The following SFMBT2 variants were observed in gnomAD, a reference collection of about 807,000 sequenced individuals.
SFMBT2 encodes the protein Scm like with four mbt domains 2.
In SFMBT2, 38 loss-of-function variants were observed where a neutral mutation model predicts 110.1. That is an observed-to-expected ratio of 0.35 (90% CI 0.27 to 0.45). The LOEUF (loss-of-function observed/expected upper bound fraction) is 0.45. SFMBT2 is among the 20% of genes least tolerant of loss of function. SFMBT2 has a pLI of 1.00. For synonymous variants in SFMBT2, 425 were observed against 425.4 expected (o/e 1.00, Z 0.01); for missense variants, 1,011 against 1,094.9 (o/e 0.92, Z 1.08).
intron 4 of SFMBT2, among the ~76,000 whole-genome samples, chr10:7,315,056 GAA>G (rs1438500303): frequency 7.5e-6 from 1 of 132,470 alleles, no homozygotes; most frequent in African/African-American, 2.8e-5. Flanking sequence ...AAGAAAGAAA[GAA>G]AGAAAGAAAG....
At chr10:7,247,193 T>G (rs1013355807) in intron 8 of SFMBT2, among the ~76,000 whole-genome samples, 5 of 152,328 alleles carry the variant, frequency 3.3e-5, no homozygotes, top group African/African-American at 1.2e-4. Flanking sequence ...CTCAGCTCAC[T>G]ACAACCTCTG....
chr10:7,228,555 G>A (rs1839970196), intron 9 of SFMBT2: 1 of 162,930 alleles, frequency 6.1e-6, no homozygotes, highest in South Asian at 2.0e-4. Context: ...GAGAATTGCA[G>A]GAGGCAGGTC....
chr10:7,228,671 GCTT>G (rs1360425054), intron 9 of SFMBT2, among the ~76,000 whole-genome samples: 22 of 139,162 alleles, frequency 1.6e-4, no homozygotes, highest in African/African-American at 5.7e-4. Context: ...TACTAAAGTG[GCTT>G]CTTTCTTTCT....
At chr10:7,236,694 A>AAG (rs143662867) in intron 9 of SFMBT2, among the ~76,000 whole-genome samples, 140,857 of 152,210 alleles carry the variant, frequency 0.93, 65,216 homozygotes, top group Non-Finnish European at 0.93. Flanking sequence ...GTAAAACTGC[A>AAG]AGTTTTAAAG....
At chr10:7,377,168 C>CAAA (rs58212127) in intron 2 of SFMBT2, among the ~76,000 whole-genome samples, 1 of 83,824 alleles carries the variant, frequency 1.2e-5, no homozygotes, top group Non-Finnish European at 2.3e-5. Flanking sequence ...GACTCCATCT[C>CAAA]AAAAAAAAAA....
Position 7,408,188 on chromosome 10 carries a change from G to C in SFMBT2, c.-52+2673C>G, listed in dbSNP as rs1190013135. Among the ~76,000 whole-genome samples, 3 of 152,254 alleles carry C rather than the reference G, an allele frequency of 2.0e-5. No homozygotes were observed. The highest frequency in any genetic ancestry group is 1.3e-4 in the Admixed American group (2 of 15,290). ...AGCTTCGCAGCACAGAGCCATTTTA[G>C]GCTGCTCCCCACCTCGCGGGGCCCA... is the stretch of plus-strand genomic sequence containing the variant. On this transcript the variant is annotated intron_variant, in intron 1 of 20. Coordinates refer to ENST00000397167, the MANE Select transcript of SFMBT2 (RefSeq NM_001387889.1). The surrounding 1 kb of genome is among the most constrained non-coding windows in gnomAD (Gnocchi z 5.7).
intron 2 of SFMBT2, among the ~76,000 whole-genome samples, chr10:7,375,862 C>T (rs550776839): frequency 7.3e-5 from 11 of 150,848 alleles, no homozygotes; most frequent in African/African-American, 2.7e-4. Context: ...AAAGGGAATA[C>T]CATTGAGTCA....
intron 7 of SFMBT2, chr10:7,249,586 C>T (rs1053830979): frequency 1.2e-4 from 119 of 982,166 alleles, no homozygotes; most frequent in African/African-American, 1.6e-4. Flanking sequence ...GGACCTGTTA[C>T]TTTCTTTTAC....
chr10:7,288,065 T>C (rs998120300), intron 4 of SFMBT2, among the ~76,000 whole-genome samples: 2 of 152,228 alleles, frequency 1.3e-5, no homozygotes, highest in African/African-American at 2.4e-5. Context: ...ATCTTTTTAA[T>C]CTGCTGGTTA....
At chr10:7,240,644 TCCA>T (rs1323922658) in intron 9 of SFMBT2, among the ~76,000 whole-genome samples, 1 of 152,128 alleles carries the variant, frequency 6.6e-6, no homozygotes, top group African/African-American at 2.4e-5. Context: ...TCTTTATTCC[TCCA>T]CCGTCTCACC....
chr10:7,227,733 T>C (rs1019048628), intron 10 of SFMBT2, 122 bp downstream of exon 10: 1 of 775,936 alleles, frequency 1.3e-6, no homozygotes. Flanking sequence ...TACAGACATT[T>C]TGTAGTTCTC....
chr10:7,212,437 G>A (rs1055590647), intron 11 of SFMBT2, among the ~76,000 whole-genome samples: 1 of 152,236 alleles, frequency 6.6e-6, no homozygotes, highest in African/African-American at 2.4e-5. Flanking sequence ...GAGGAACAGA[G>A]CCCTGTGGGA....
intron 7 of SFMBT2, among the ~76,000 whole-genome samples, chr10:7,268,384 A>G (rs532638663): frequency 6.6e-6 from 1 of 152,364 alleles, no homozygotes; most frequent in Admixed American, 6.5e-5. Context: ...AGACAAAAAT[A>G]AAAAGCTTTT....
intron 1 of SFMBT2, among the ~76,000 whole-genome samples, chr10:7,391,464 T>G (rs11592030): frequency 8.0e-6 from 1 of 124,322 alleles, no homozygotes; most frequent in African/African-American, 3.7e-5. Flanking sequence ...AGACTCTGTC[T>G]CAAAAAAAAA....
intron 4 of SFMBT2, among the ~76,000 whole-genome samples, chr10:7,289,096 T>G (rs1842190307): frequency 6.6e-6 from 1 of 152,126 alleles, no homozygotes; most frequent in South Asian, 2.1e-4. Context: ...CCAAAGCTTT[T>G]GCAAACAGAT....
At chr10:7,316,530 C>T (rs1467770678) in intron 4 of SFMBT2, among the ~76,000 whole-genome samples, 7 of 152,276 alleles carry the variant, frequency 4.6e-5, no homozygotes, top group East Asian at 1.9e-4. Flanking sequence ...AGGCCAGCCA[C>T]GGGGTCCCCA....
intron 1 of SFMBT2, among the ~76,000 whole-genome samples, chr10:7,400,773 G>C (rs2132122977): frequency 6.6e-6 from 1 of 152,312 alleles, no homozygotes. Context: ...CCTCCACTCA[G>C]TTAGAAAAGC....
intron 9 of SFMBT2, among the ~76,000 whole-genome samples, chr10:7,239,059 T>G (rs1004043670): frequency 6.6e-6 from 1 of 152,188 alleles, no homozygotes; most frequent in Non-Finnish European, 1.5e-5. Flanking sequence ...CTCTAAGGTG[T>G]GAGGACAAAT....
intron 15 of SFMBT2, 109 bp downstream of exon 15, chr10:7,197,439 A>G (rs988011384): frequency 6.9e-7 from 1 of 1,443,412 alleles, no homozygotes; most frequent in African/African-American, 1.4e-5. Flanking sequence ...GTCTCGGTAA[A>G]TGCCAGCTGA....
Sources: gnomAD v4.1 joint callset for allele counts (sites outside exome capture counted in the v4.1 genomes callset) on GRCh38, gnomAD v4.1.1 for gene constraint, Gnocchi (gnomAD v3.1) non-coding constraint, MANE v1.5 for transcripts, NCBI Gene and HGNC (gene_info 2026-07-23, HGNC 2026-07-21) for gene names.